FAM186B: variants seen among roughly 807,000 people sequenced by gnomAD.
FAM186B encodes the protein protein FAM186B.
FAM186B carries 68 observed loss-of-function variants against 83.4 expected under a neutral mutation model. That is an observed-to-expected ratio of 0.81 (90% CI 0.67 to 1.00). FAM186B has a LOEUF of 1.00. Among genes scored for constraint, FAM186B ranks in the 50% least tolerant of loss-of-function variants. FAM186B has a pLI of 0.00. For missense variants in FAM186B, 983 were observed against 1,099.2 expected (o/e 0.89, Z 1.49); for synonymous variants, 389 against 422.0 (o/e 0.92, Z 0.96).
chr12:49,604,284 G>T (rs1461500662), intron 2 of FAM186B, 29 bp downstream of exon 2: 2 of 1,583,006 alleles, frequency 1.3e-6, no homozygotes, highest in Admixed American at 1.7e-5. Flanking sequence ...CCTCCCAGAG[G>T]AGGCACGGTG....
chr12:49,621,000 T>C, the FAM186B span, among the ~76,000 whole-genome samples: 1 of 152,100 alleles, frequency 6.6e-6, no homozygotes, highest in Admixed American at 6.5e-5. Flanking sequence ...GATAACATGG[T>C]ATATGTATTG....
intron 5 of FAM186B, among the ~76,000 whole-genome samples, chr12:49,589,525 T>C (rs1171491554): frequency 6.6e-6 from 1 of 152,076 alleles, no homozygotes; most frequent in East Asian, 1.9e-4. Context: ...GGATATAAAC[T>C]CAATACTTGT....
rs1224111922 is a variant in FAM186B at position 49,604,529 on chromosome 12, T to C, written c.106A>G (p.Thr36Ala). Residue 36 changes from threonine (T) to alanine (A), a missense_variant, in exon 2 of 7, where the codon ACC becomes GCC. Physicochemically the swap from Thr to Ala is moderately conservative, Grantham distance 58. Coordinates refer to ENST00000257894, the MANE Select transcript of FAM186B (RefSeq NM_032130.3). ...TTGTCCAAAATGTCTGAGAGCTGGGTAGAAATATCCTATAGAGAAGCAGCA... is the reference window on the plus strand; with the variant it reads ...TTGTCCAAAATGTCTGAGAGCTGGGCAGAAATATCCTATAGAGAAGCAGCA... Reference protein sequence around the residue: ...QLTRAQEDISTQLSDILDNVN... With the variant: ...QLTRAQEDISAQLSDILDNVN... The C allele has an allele frequency of 1.9e-6, 3 of 1,613,942 alleles. No homozygotes were observed. The highest frequency in any genetic ancestry group is 2.2e-5 in the East Asian group (1 of 44,882).
chr12:49,600,603 GTC>G lies in FAM186B; in HGVS notation c.1035_1036del (p.Glu345AspfsTer66). ...CATGACTGTTTCTTTCCTTGGGAGG[GTC>G]TCTCTCTCAGAGGGACCTGGGGAGT... is the stretch of plus-strand genomic sequence containing the variant. On this transcript the variant is annotated frameshift_variant, in exon 4 of 7. Transcript: ENST00000257894. LOFTEE classifies it high-confidence loss of function. This position sits in a 1 kb window ranked among gnomAD's most constrained non-coding sequence, Gnocchi z 4.3. 1.2e-6 allele frequency: 2 copies of G among 1,612,274 alleles called. No homozygotes were observed. Among genetic ancestry groups the G allele is most frequent in the Non-Finnish European group, 8.5e-7 (1 of 1,178,998 alleles).
chr12:49,584,662 C>T, downstream of FAM186B: 1 of 701,658 alleles, frequency 1.4e-6, no homozygotes, highest in Non-Finnish European at 2.6e-6. Context: ...TGAGACAAGG[C>T]CCAGGCCATG....
At chr12:49,608,213 G>A (rs1306156179), upstream of FAM186B, among the ~76,000 whole-genome samples, 3 of 150,690 alleles carry the variant, frequency 2.0e-5, no homozygotes, top group Admixed American at 6.6e-5. Context: ...AAAGTTGGCC[G>A]GGTGCGGTGG....
chr12:49,608,283 G>A (rs1940054432), upstream of FAM186B, among the ~76,000 whole-genome samples: 1 of 151,004 alleles, frequency 6.6e-6, no homozygotes, highest in Non-Finnish European at 1.5e-5. Context: ...TTGAGGTCAG[G>A]AGTTCAAGAT....
intron 5 of FAM186B, among the ~76,000 whole-genome samples, chr12:49,591,772 T>A (rs1565805760): frequency 6.6e-6 from 1 of 152,308 alleles, no homozygotes; most frequent in East Asian, 1.9e-4. Context: ...GCTCACATGC[T>A]TATATAAAAT....
the FAM186B span, among the ~76,000 whole-genome samples, chr12:49,614,997 G>A: frequency 6.6e-6 from 1 of 152,074 alleles, no homozygotes; most frequent in East Asian, 1.9e-4. Flanking sequence ...GCGTGGGGGC[G>A]GGTACCTGTA....
At chr12:49,618,393 T>G in the FAM186B span, among the ~76,000 whole-genome samples, 7 of 150,446 alleles carry the variant, frequency 4.7e-5, no homozygotes. Flanking sequence ...ATGTACCACC[T>G]GAACAGAGAA....
chr12:49,621,308 G>A, the FAM186B span, among the ~76,000 whole-genome samples: 1 of 152,170 alleles, frequency 6.6e-6, no homozygotes, highest in African/African-American at 2.4e-5. Context: ...GCTTGAACCC[G>A]GGTGGTAGAG....
chr12:49,616,161 C>A, the FAM186B span, among the ~76,000 whole-genome samples: 1 of 152,030 alleles, frequency 6.6e-6, no homozygotes, highest in Non-Finnish European at 1.5e-5. Flanking sequence ...TCCCAAGTAG[C>A]TGGGATTACA....
chr12:49,605,319 A>G, intron 1 of FAM186B, 63 bp downstream of exon 1: 1 of 1,566,078 alleles, frequency 6.4e-7, no homozygotes, highest in South Asian at 1.2e-5. Context: ...CAAACCTGGG[A>G]TCAGCCCCCA....
rs1272309354 is a variant in FAM186B at position 49,587,626 on chromosome 12, C to T, written c.2661G>A (p.Arg887=). Residue 887 remains arginine (R), a synonymous_variant, in exon 7 of 7, where the codon CGG becomes CGA. Transcript: ENST00000257894. ...DQLRGHPDIP[R]LLTLDV is the part of the protein sequence containing the mutation. Reference sequence around the variant, plus strand: ...AGGACTACACGTCCAGTGTCAACAGCCGGGGAATATCTGGGTGTCCCCTCA... The same window carrying T: ...AGGACTACACGTCCAGTGTCAACAGTCGGGGAATATCTGGGTGTCCCCTCA... The T allele has an allele frequency of 6.8e-6, 11 of 1,613,382 alleles. No individual in the cohort carries two copies. In the South Asian group the frequency reaches 8.8e-5, roughly 13 times the overall value.
the FAM186B span, among the ~76,000 whole-genome samples, chr12:49,613,096 A>G: frequency 6.6e-6 from 1 of 152,220 alleles, no homozygotes; most frequent in East Asian, 1.9e-4. Context: ...AAACCACACA[A>G]TTACATAGAA....
chr12:49,619,931 C>T, the FAM186B span, among the ~76,000 whole-genome samples: 8 of 152,004 alleles, frequency 5.3e-5, no homozygotes, highest in East Asian at 3.9e-4. Flanking sequence ...CCACCCACCT[C>T]GGCCTCCCAA....
Position 49,587,692 on chromosome 12 carries a change from T to G in FAM186B, c.2595A>C (p.Ala865=), listed in dbSNP as rs1486974308. The change falls in exon 7 of 7, where the codon GCA becomes GCC. Residue 865 remains alanine, a synonymous_variant. Coordinates refer to ENST00000257894, the MANE Select transcript of FAM186B (RefSeq NM_032130.3). ...GGCTGGCAGGGGTCTTTTTTTCTATTGCGTAACTGGAGGAGGCCACCTCGG... is the reference window on the plus strand; with the variant it reads ...GGCTGGCAGGGGTCTTTTTTTCTATGGCGTAACTGGAGGAGGCCACCTCGG... ...WKTEVASSSY[A]IEKKTPASLP... 6.2e-7 allele frequency: 1 copy of G among 1,614,062 alleles called. No individual in the cohort carries two copies. The highest frequency in any genetic ancestry group is 1.7e-5 in the Admixed American group (1 of 60,004).
chr12:49,588,728 T>C lies in FAM186B; in HGVS notation c.2365-105A>G, dbSNP rs546717704. On this transcript the variant is annotated intron_variant, in intron 5 of 6. Transcript: ENST00000257894. Reference sequence around the variant, plus strand: ...TTGGTGCCCCTGCTGGACTCAGGGCTGAGTGGAGAGGGTAAGGCCCAGGGA... The same window carrying C: ...TTGGTGCCCCTGCTGGACTCAGGGCCGAGTGGAGAGGGTAAGGCCCAGGGA... The C allele has an allele frequency of 5.0e-6, 6 of 1,189,120 alleles. No homozygotes were observed. The South Asian group carries it at 9.2e-5, about 18-fold the overall frequency. 73.7% of individuals were successfully genotyped at this position (1,189,120 alleles called of 1,614,324 possible).
In FAM186B at chr12:49,604,507, T is replaced by A. The variant is rs750609864; in HGVS notation, c.128A>T (p.Asp43Val). The A allele has an allele frequency of 6.2e-6, 10 of 1,614,222 alleles. No homozygotes were observed. The highest frequency in any genetic ancestry group is 1.7e-6 in the Non-Finnish European group (2 of 1,180,044). ...GCGGTTGATGACACAATTGACATTG[T>A]CCAAAATGTCTGAGAGCTGGGTAGA... ...DISTQLSDIL[D>V]NVNCVINRFQ... Residue 43 changes from aspartate (D) to valine (V), a missense_variant, in exon 2 of 7, where the codon GAC becomes GTC. Asp to Val is a radical substitution (Grantham distance 152). Transcript: ENST00000257894.
Sources: gnomAD v4.1 joint callset for allele counts (sites outside exome capture counted in the v4.1 genomes callset) on GRCh38, gnomAD v4.1.1 for gene constraint, Gnocchi (gnomAD v3.1) non-coding constraint, MANE v1.5 for transcripts, NCBI Gene and HGNC (gene_info 2026-07-23, HGNC 2026-07-21) for gene names.